The following DGKK variants were observed in gnomAD, a reference collection of about 807,000 sequenced individuals.
DGKK encodes 142 kDa diacylglycerol kinase.
Under a neutral mutation model 92.2 loss-of-function variants are expected in DGKK, and 35 were observed. The ratio of observed to expected loss-of-function variants is 0.38; its 90% CI spans 0.29 to 0.50. The LOEUF is 0.50. Ranked by LOEUF, DGKK falls within the 20% of genes least tolerant of loss-of-function variation. The pLI, the probability that DGKK is intolerant of heterozygous loss-of-function variation, is 0.92. For synonymous variants in DGKK, 368 were observed against 360.6 expected (o/e 1.02, Z -0.23); for missense variants, 910 against 992.2 (o/e 0.92, Z 1.11).
In DGKK at chrX:50,393,351, GA is replaced by G; in HGVS notation, c.1412-17del. On this transcript the variant is annotated splice_polypyrimidine_tract_variant and intron_variant, in intron 8 of 27. Transcript: ENST00000611977. ...ACTAATTGGCCTGACACAACGAAAAGAAAAAGAAGAAAAAAAAGAACGGACC... is the reference window on the plus strand; with the variant it reads ...ACTAATTGGCCTGACACAACGAAAAGAAAAGAAGAAAAAAAAGAACGGACC... The G allele has an allele frequency of 8.6e-7, 1 of 1,157,403 alleles. No individual in the cohort carries two copies. Among genetic ancestry groups the G allele is most frequent in the Admixed American group, 2.5e-5 (1 of 40,225 alleles).
At chrX:50,408,630 G>C (rs73497582) in intron 4 of DGKK, among the ~76,000 whole-genome samples, 1 of 108,989 alleles carries the variant, frequency 9.2e-6, no homozygotes, top group Non-Finnish European at 1.9e-5. Context: ...TGATCCGCCC[G>C]CCTCGGCCTC....
chrX:50,379,719 T>A lies in DGKK; in HGVS notation c.2770A>T (p.Ile924Phe). 1 of 1,207,695 alleles carries A rather than the reference T, an allele frequency of 8.3e-7. No individual in the cohort carries two copies. The highest frequency in any genetic ancestry group is 1.1e-6 in the Non-Finnish European group (1 of 891,833). Residue 924 changes from isoleucine to phenylalanine, a missense_variant, in exon 20 of 28, where the codon ATC (isoleucine) becomes TTC (phenylalanine). Physicochemically the swap from Ile to Phe is conservative, Grantham distance 21. Transcript: ENST00000611977. ...ATGCCTTGCAGGTTTGGCAAGGAGA[T>A]GGTTTCTCCATCACACTGAAAGAAA... ...RVHLECDGET[I>F]SLPNLQGIVV...
intron 1 of DGKK, among the ~76,000 whole-genome samples, chrX:50,435,298 T>G (rs1371779098): frequency 8.9e-6 from 1 of 112,047 alleles, no homozygotes; most frequent in Admixed American, 9.5e-5. Context: ...AAAGTACCCA[T>G]TTCTTTCCAT....
chrX:50,419,759 T>C (rs1925525898), intron 4 of DGKK, among the ~76,000 whole-genome samples: 1 of 112,105 alleles, frequency 8.9e-6, no homozygotes, highest in African/African-American at 3.2e-5. Context: ...AGGCAGAGTG[T>C]ATCTCCTGAA....
chrX:50,452,827 T>A (rs782167629), intron 1 of DGKK, among the ~76,000 whole-genome samples: 3 of 111,072 alleles, frequency 2.7e-5, no homozygotes, highest in Non-Finnish European at 3.8e-5. Flanking sequence ...AAGTGAGAGG[T>A]TAAAAGATTT....
intron 18 of DGKK, among the ~76,000 whole-genome samples, chrX:50,381,726 C>T (rs1272106917): frequency 9.0e-6 from 1 of 111,478 alleles, no homozygotes; most frequent in Non-Finnish European, 1.9e-5. Flanking sequence ...AAAGCATGGT[C>T]CATAAAGAAA....
chrX:50,449,889 C>A lies in DGKK; in HGVS notation c.645+20145G>T, dbSNP rs782592458. Among the ~76,000 whole-genome samples, 145 of 111,943 alleles carry A rather than the reference C, an allele frequency of 1.3e-3. 1 individual carries two copies. The highest frequency in any genetic ancestry group is 1.6e-3 in the Non-Finnish European group (84 of 53,093). Reference sequence around the variant, plus strand: ...GTATGTGGCGTTTTTTAAATATTTTCTTTCTTCTAAATCATAGAAAATGTG... The same window carrying A: ...GTATGTGGCGTTTTTTAAATATTTTATTTCTTCTAAATCATAGAAAATGTG... On this transcript the variant is annotated intron_variant, in intron 1 of 27. Transcript: ENST00000611977.
At chrX:50,432,799 C>G (rs1557230423) in intron 1 of DGKK, among the ~76,000 whole-genome samples, 2 of 112,061 alleles carry the variant, frequency 1.8e-5, no homozygotes. Flanking sequence ...AACAGGAAAC[C>G]CAGTGAAAGG....
At chrX:50,425,656 T>G (rs1450965421) in intron 1 of DGKK, among the ~76,000 whole-genome samples, 1 of 111,499 alleles carries the variant, frequency 9.0e-6, no homozygotes, top group Non-Finnish European at 1.9e-5. Context: ...AAAAGTCAGT[T>G]CATAAGCAGT....
chrX:50,394,305 T>G (rs1286546521), intron 8 of DGKK, among the ~76,000 whole-genome samples: 2 of 111,475 alleles, frequency 1.8e-5, no homozygotes, highest in East Asian at 5.6e-4. Context: ...CTGAAGGAAA[T>G]CTACTTGAGC....
intron 7 of DGKK, 142 bp downstream of exon 7, chrX:50,402,919 G>C: frequency 2.4e-6 from 2 of 842,184 alleles, no homozygotes; most frequent in Non-Finnish European, 3.2e-6. Flanking sequence ...AGGATACTAA[G>C]ATTTATACTA....
chrX:50,388,428 CAT>C (rs1924604579), intron 13 of DGKK, 97 bp downstream of exon 13: 3 of 549,482 alleles, frequency 5.5e-6, no homozygotes, highest in African/African-American at 4.7e-5. Context: ...GGAACATAAA[CAT>C]GTATTTTCCT....
At chrX:50,409,318 C>CAA (rs112423212) in intron 4 of DGKK, among the ~76,000 whole-genome samples, 13 of 79,555 alleles carry the variant, frequency 1.6e-4, no homozygotes, top group African/African-American at 5.2e-4. Context: ...AGGAAGAAGC[C>CAA]AAAAAAAAAA....
chrX:50,468,170 G>A (rs1185261967), intron 1 of DGKK, among the ~76,000 whole-genome samples: 1 of 112,078 alleles, frequency 8.9e-6, no homozygotes, highest in Non-Finnish European at 1.9e-5. Context: ...CTGTCAAACA[G>A]GTAGGAGATG....
At chrX:50,438,795 A>G (rs1926097547) in intron 1 of DGKK, among the ~76,000 whole-genome samples, 1 of 111,700 alleles carries the variant, frequency 9.0e-6, no homozygotes, top group South Asian at 3.8e-4. Flanking sequence ...AGATATGAAA[A>G]TTTGGCACTT....
intron 25 of DGKK, among the ~76,000 whole-genome samples, chrX:50,372,417 A>G (rs1365515175): frequency 2.7e-5 from 3 of 111,843 alleles, no homozygotes; most frequent in Non-Finnish European, 5.6e-5. Context: ...ACATGTGGGG[A>G]GGCCAGATGC....
chrX:50,424,474 G>T, intron 1 of DGKK, 116 bp from the exon 2 acceptor site: 1 of 623,048 alleles, frequency 1.6e-6, no homozygotes, highest in Non-Finnish European at 2.4e-6. Context: ...ACATATCTGA[G>T]AAATGGCCTG....
Position 50,378,947 on chromosome X carries a change from T to C in DGKK, c.2863-256A>G, listed in dbSNP as rs781862101. 7.1e-5 allele frequency among the ~76,000 whole-genome samples: 8 copies of C among 112,237 alleles called. No individual in the cohort carries two copies. In the East Asian group the frequency reaches 2.3e-3, roughly 32 times the overall value. On this transcript the variant is annotated intron_variant, in intron 20 of 27. Coordinates refer to ENST00000611977, the MANE Select transcript of DGKK (RefSeq NM_001013742.4). ...GCCAGTCTTATTGGCCTTATGACCT[T>C]CTTGGGTAAACTCAGAGTAAAGGGG...
intron 1 of DGKK, among the ~76,000 whole-genome samples, chrX:50,463,841 T>C (rs782536440): frequency 2.7e-5 from 3 of 110,860 alleles, no homozygotes; most frequent in South Asian, 7.6e-4. Context: ...AGGGGCTTTG[T>C]TGAGGCTGAG....
Sources: gnomAD v4.1 joint callset for allele counts (sites outside exome capture counted in the v4.1 genomes callset) on GRCh38, gnomAD v4.1.1 for gene constraint, MANE v1.5 for transcripts, NCBI Gene and HGNC (gene_info 2026-07-23, HGNC 2026-07-21) for gene names.